Variants in KIRREL3 observed in about 807,000 individuals in gnomAD.
The protein encoded by KIRREL3 is kin of IRRE-like protein 3.
Under a neutral mutation model 89.7 loss-of-function variants are expected in KIRREL3, and 36 were observed. That is an observed-to-expected ratio of 0.40 (90% confidence interval 0.31 to 0.53). The LOEUF (loss-of-function observed/expected upper bound fraction) is 0.53, where lower values mean the gene tolerates loss of function less well. Among genes scored for constraint, KIRREL3 ranks in the 20% least tolerant of loss-of-function variants. The pLI is 0.49. For missense variants in KIRREL3, 864 were observed against 1,056.6 expected (o/e 0.82, Z 2.53); for synonymous variants, 445 against 441.4 (o/e 1.01, Z -0.10).
At chr11:126,963,697 C>T (rs570958841) in intron 1 of KIRREL3, among the ~76,000 whole-genome samples, 1 of 152,184 alleles carries the variant, frequency 6.6e-6, no homozygotes, top group Non-Finnish European at 1.5e-5. Flanking sequence ...CCCCAAAAGG[C>T]CTCCTATACC....
rs1945888321 is a variant in KIRREL3, at chr11:126,890,784, G to A, written c.55+109671C>T. ...AGCGTCCCCCAGTCCCAGCACCACA[G>A]CGGCCTGCCTGTGCCCAGCGCTGCC... On this transcript the variant is annotated intron_variant, in intron 1 of 16. Coordinates refer to ENST00000525144, the MANE Select transcript of KIRREL3 (RefSeq NM_032531.4). The surrounding 1 kb of genome is among the most constrained non-coding windows in gnomAD (Gnocchi z 5.1). 6.6e-6 allele frequency among the ~76,000 whole-genome samples: 1 copy of A among 152,230 alleles called. No individual in the cohort carries two copies. Among genetic ancestry groups the A allele is most frequent in the Non-Finnish European group, 1.5e-5 (1 of 68,042 alleles).
rs1487755963 is a variant in KIRREL3 at position 126,744,887 on chromosome 11, A to G, written c.56-181975T>C. ...CACATAGTAAGTGCTAAAAAAAAAA[A>G]AAAAGGTGGGAAAAGTAGCTGAGAA... is the stretch of plus-strand genomic sequence containing the variant. On this transcript the variant is annotated intron_variant, in intron 1 of 16. Coordinates refer to ENST00000525144, the MANE Select transcript of KIRREL3 (RefSeq NM_032531.4). This position sits in a 1 kb window ranked among gnomAD's most constrained non-coding sequence, Gnocchi z 4.7. 2.6e-5 allele frequency among the ~76,000 whole-genome samples: 4 copies of G among 152,178 alleles called. No individual in the cohort carries two copies. In the East Asian group the frequency reaches 7.7e-4, roughly 29 times the overall value.
At chr11:126,875,372 CAATATAT>C (rs2134686561) in intron 1 of KIRREL3, among the ~76,000 whole-genome samples, 1 of 152,282 alleles carries the variant, frequency 6.6e-6, no homozygotes, top group East Asian at 1.9e-4. Context: ...TGAAGGATAA[CAATATAT>C]GAAACAGAGC....
rs573799474 is a variant in KIRREL3, at chr11:126,656,210, G to A, written c.56-93298C>T. 4.4e-5 allele frequency: 20 copies of A among 455,820 alleles called. No individual in the cohort carries two copies. The highest frequency in any genetic ancestry group is 6.6e-5 in the Non-Finnish European group (15 of 226,702). 28.2% of individuals were successfully genotyped at this position (455,820 alleles called of 1,614,324 possible). A position where few individuals can be genotyped will look rare whatever the true frequency, so the allele number is the denominator to read the frequency against. ...GGGAGGGCTACAGAGTTAGGACTCC[G>A]AAGTCAGAAAGATGCCTGTTGGTTC... On this transcript the variant is annotated intron_variant, in intron 1 of 16. Transcript: ENST00000525144. This position sits in a 1 kb window ranked among gnomAD's most constrained non-coding sequence, Gnocchi z 4.0.
intron 1 of KIRREL3, among the ~76,000 whole-genome samples, chr11:126,878,646 C>T (rs1398912023): frequency 2.7e-5 from 4 of 149,470 alleles, no homozygotes. Context: ...AAAAAAAAAA[C>T]AAGAATAATG....
At chr11:126,546,888 T>G (rs1382606414) in intron 2 of KIRREL3, among the ~76,000 whole-genome samples, 1 of 152,216 alleles carries the variant, frequency 6.6e-6, no homozygotes, top group Non-Finnish European at 1.5e-5. Context: ...ATTTCGCAGA[T>G]GAGAACATAG....
In KIRREL3 at chr11:126,896,698, C is replaced by T. The variant is rs1340851073; in HGVS notation, c.55+103757G>A. 6.6e-6 allele frequency among the ~76,000 whole-genome samples: 1 copy of T among 152,140 alleles called. No homozygotes were observed. Among genetic ancestry groups the T allele is most frequent in the African/African-American group, 2.4e-5 (1 of 41,436 alleles). On this transcript the variant is annotated intron_variant, in intron 1 of 16. Transcript: ENST00000525144. This position sits in a 1 kb window ranked among gnomAD's most constrained non-coding sequence, Gnocchi z 4.1. ...TTTGAGGGCCGTTGCTCTTCTCAGA[C>T]ACCCAGGGGAGGGGTTCCATGGCCA...
intron 5 of KIRREL3, 102 bp downstream of exon 5, chr11:126,473,207 T>G: frequency 1.7e-5 from 8 of 469,064 alleles, no homozygotes; most frequent in Non-Finnish European, 1.9e-5. Flanking sequence ...AGCCCCCTCC[T>G]TACCTAGCCT....
rs1465029014 is a variant in KIRREL3, at chr11:126,441,935, A to G, written c.1253-1386T>C. Among the ~76,000 whole-genome samples the G allele has an allele frequency of 1.3e-5, 2 of 152,108 alleles. No individual in the cohort carries two copies. Among genetic ancestry groups the G allele is most frequent in the Non-Finnish European group, 2.9e-5 (2 of 68,026 alleles). On this transcript the variant is annotated intron_variant, in intron 10 of 16. Coordinates refer to ENST00000525144, the MANE Select transcript of KIRREL3 (RefSeq NM_032531.4). The surrounding 1 kb of genome is among the most constrained non-coding windows in gnomAD (Gnocchi z 5.0). ...AGGAGATTGATGTTTTAGGAACCGG[A>G]TGGTGCTTTGTTTTATTGCTGGACT...
chr11:126,575,077 G>A lies in KIRREL3; in HGVS notation c.56-12165C>T, dbSNP rs567973436. On this transcript the variant is annotated intron_variant, in intron 1 of 16. Coordinates refer to ENST00000525144, the MANE Select transcript of KIRREL3 (RefSeq NM_032531.4). This position sits in a 1 kb window ranked among gnomAD's most constrained non-coding sequence, Gnocchi z 7.0. Reference sequence around the variant, plus strand: ...GGAGGAGGCCGGTGGCCCAGGGCCTGAACTGCAGGAGAATTTATACTTCTT... The same window carrying A: ...GGAGGAGGCCGGTGGCCCAGGGCCTAAACTGCAGGAGAATTTATACTTCTT... Among the ~76,000 whole-genome samples, 1 of 152,270 alleles carries A rather than the reference G, an allele frequency of 6.6e-6. No individual in the cohort carries two copies. The highest frequency in any genetic ancestry group is 2.1e-4 in the South Asian group (1 of 4,832).
chr11:126,560,472 G>A (rs1244360318), intron 2 of KIRREL3, among the ~76,000 whole-genome samples: 1 of 152,116 alleles, frequency 6.6e-6, no homozygotes, highest in East Asian at 1.9e-4. Flanking sequence ...GGCACCAATT[G>A]CAATTACTCT....
chr11:126,679,425 T>C lies in KIRREL3; in HGVS notation c.56-116513A>G, dbSNP rs1190256579. 3.3e-5 allele frequency among the ~76,000 whole-genome samples: 5 copies of C among 152,206 alleles called. No individual in the cohort carries two copies. In the East Asian group the frequency reaches 7.7e-4, roughly 23 times the overall value. ...CGTGTCCTTTGCTAAGTGCTTTGTG[T>C]TCATTTTGAAGCTTCAAAACATGTT... On this transcript the variant is annotated intron_variant, in intron 1 of 16. Coordinates refer to ENST00000525144, the MANE Select transcript of KIRREL3 (RefSeq NM_032531.4).
At position 126,492,167 on chromosome 11, in the gene KIRREL3, C is replaced by T. The variant is rs892822953; in HGVS notation, c.434-18701G>A. Reference sequence around the variant, plus strand: ...GCCACCGAGGAACTGGGAGGATGATCTATAGACAGTCTCCTCTTCACTGAA... The same window carrying T: ...GCCACCGAGGAACTGGGAGGATGATTTATAGACAGTCTCCTCTTCACTGAA... On this transcript the variant is annotated intron_variant, in intron 4 of 16. Coordinates refer to ENST00000525144, the MANE Select transcript of KIRREL3 (RefSeq NM_032531.4). This position sits in a 1 kb window ranked among gnomAD's most constrained non-coding sequence, Gnocchi z 4.8. 6.6e-6 allele frequency among the ~76,000 whole-genome samples: 1 copy of T among 152,158 alleles called. No homozygotes were observed. Among genetic ancestry groups the T allele is most frequent in the Non-Finnish European group, 1.5e-5 (1 of 68,042 alleles).
chr11:126,753,300 C>T (rs373979426), intron 1 of KIRREL3, among the ~76,000 whole-genome samples: 220 of 152,280 alleles, frequency 1.4e-3, no homozygotes, highest in African/African-American at 5.1e-3. Flanking sequence ...TCCATGGCTT[C>T]CTCTCCAATC....
In KIRREL3 at chr11:126,587,012, A is replaced by G. The variant is rs1278562320; in HGVS notation, c.56-24100T>C. Among the ~76,000 whole-genome samples the G allele has an allele frequency of 6.6e-6, 1 of 152,180 alleles. No homozygotes were observed. The highest frequency in any genetic ancestry group is 2.4e-5 in the African/African-American group (1 of 41,452). ...TACTATGGCTAAGCATGGGGGCACA[A>G]CTGTAAACCAGAGAGAGTCCCTGCC... On this transcript the variant is annotated intron_variant, in intron 1 of 16. Transcript: ENST00000525144. This position sits in a 1 kb window ranked among gnomAD's most constrained non-coding sequence, Gnocchi z 5.2.
chr11:126,700,424 C>T (rs769633381), intron 1 of KIRREL3, among the ~76,000 whole-genome samples: 5 of 152,180 alleles, frequency 3.3e-5, no homozygotes, highest in Non-Finnish European at 7.3e-5. Flanking sequence ...GACCGGAAAA[C>T]GATGTGAGGT....
At position 126,610,740 on chromosome 11, in the gene KIRREL3, C is replaced by A. The variant is rs189741176; in HGVS notation, c.56-47828G>T. 2 of 152,314 alleles carry A rather than the reference C, an allele frequency of 1.3e-5. No individual in the cohort carries two copies. The highest frequency in any genetic ancestry group is 3.9e-4 in the East Asian group (2 of 5,176). 9.4% of individuals were successfully genotyped at this position (152,314 alleles called of 1,614,324 possible). On this transcript the variant is annotated intron_variant, in intron 1 of 16. Coordinates refer to ENST00000525144, the MANE Select transcript of KIRREL3 (RefSeq NM_032531.4). This position sits in a 1 kb window ranked among gnomAD's most constrained non-coding sequence, Gnocchi z 4.6. The stretch of plus-strand genomic sequence containing the variant: ...TCCTTCCCTGGGATCTCTTGGAGGG[C>A]TCTCCATCTCTCTTAGAGCAGTTTC...
In KIRREL3 at chr11:126,848,851, C is replaced by A. The variant is rs183857966; in HGVS notation, c.55+151604G>T. ...TCCTCTCTACCCTAAATACAAGAGACCTTCATAGTTTGGCAAAAATATCAT... is the reference window on the plus strand; with the variant it reads ...TCCTCTCTACCCTAAATACAAGAGAACTTCATAGTTTGGCAAAAATATCAT... On this transcript the variant is annotated intron_variant, in intron 1 of 16. Transcript: ENST00000525144. Among the ~76,000 whole-genome samples, 74 of 152,206 alleles carry A rather than the reference C, an allele frequency of 4.9e-4. No individual in the cohort carries two copies. In the South Asian group the frequency reaches 0.015, roughly 30 times the overall value.
In KIRREL3 at chr11:126,495,805, A is replaced by G. The variant is rs972193843; in HGVS notation, c.434-22339T>C. 2.0e-4 allele frequency among the ~76,000 whole-genome samples: 30 copies of G among 152,198 alleles called. 1 individual carries two copies. The highest frequency in any genetic ancestry group is 3.1e-4 in the Non-Finnish European group (21 of 68,032). On this transcript the variant is annotated intron_variant, in intron 4 of 16. Coordinates refer to ENST00000525144, the MANE Select transcript of KIRREL3 (RefSeq NM_032531.4). This position sits in a 1 kb window ranked among gnomAD's most constrained non-coding sequence, Gnocchi z 6.5. The stretch of plus-strand genomic sequence containing the variant: ...TGTGCAGCAGCCTGAGGATCAGGAC[A>G]CTGGGACTCTAGTCCTGACACTCAG...
Sources: allele counts gnomAD v4.1 joint callset (sites outside exome capture counted in the v4.1 genomes callset), GRCh38; gene constraint gnomAD v4.1.1; non-coding constraint Gnocchi (gnomAD v3.1); transcripts MANE v1.5; gene names NCBI Gene and HGNC (gene_info 2026-07-23, HGNC 2026-07-21).